Variants in ST7L observed in about 807,000 individuals in gnomAD.
ST7L encodes the protein suppression of tumorigenicity 7 like, also known as suppressor of tumorigenicity 7 protein-like.
A neutral mutation model predicts 72.5 loss-of-function variants in ST7L; 57 were observed. The ratio of observed to expected loss-of-function variants is 0.79; its 90% CI spans 0.64 to 0.98. The LOEUF is 0.98. Among genes scored for constraint, ST7L ranks in the 50% least tolerant of loss-of-function variants. The pLI is 0.00. For synonymous variants in ST7L, 221 were observed against 240.9 expected, an observed-to-expected ratio of 0.92 and a Z score of 0.77; for missense variants, 576 against 672.2, an observed-to-expected ratio of 0.86 and a Z score of 1.58.
chr1:112,540,255 C>T (rs1259586982), intron 14 of ST7L: 1 of 985,288 alleles, frequency 1.0e-6, no homozygotes. Flanking sequence ...CAAGAATCAT[C>T]TCTCCCATTG....
chr1:112,570,065 A>T (rs1275918601), intron 11 of ST7L, among the ~76,000 whole-genome samples: 1 of 152,092 alleles, frequency 6.6e-6, no homozygotes, highest in Non-Finnish European at 1.5e-5. Context: ...TTTAGAATAT[A>T]TGAAACAATT....
At chr1:112,564,935 T>G (rs1660736642) in intron 11 of ST7L, among the ~76,000 whole-genome samples, 1 of 152,038 alleles carries the variant, frequency 6.6e-6, no homozygotes, top group South Asian at 2.1e-4. Flanking sequence ...TGTATCAATT[T>G]ATTTTTAAAA....
chr1:112,552,100 A>G (rs1283427252), intron 12 of ST7L, among the ~76,000 whole-genome samples: 3 of 152,046 alleles, frequency 2.0e-5, no homozygotes, highest in Non-Finnish European at 4.4e-5. Flanking sequence ...CCAGTATACC[A>G]CTCACACACA....
chr1:112,579,397 AAAAC>A (rs77964024), intron 9 of ST7L, among the ~76,000 whole-genome samples: 4 of 150,772 alleles, frequency 2.7e-5, no homozygotes, highest in Admixed American at 1.3e-4. Context: ...AAAAAAAAAA[AAAAC>A]AATAAAAAAA....
intron 14 of ST7L, among the ~76,000 whole-genome samples, chr1:112,538,229 C>CA: frequency 6.6e-6 from 1 of 152,198 alleles, no homozygotes; most frequent in Non-Finnish European, 1.5e-5. Context: ...CTAACACAGA[C>CA]AGTTTGCAGC....
intron 7 of ST7L, among the ~76,000 whole-genome samples, chr1:112,583,762 C>G (rs140286959): frequency 1.3e-5 from 2 of 152,340 alleles, no homozygotes; most frequent in Non-Finnish European, 2.9e-5. Flanking sequence ...CTCTCAATAA[C>G]CTGAGCAGAT....
Position 112,523,786 on chromosome 1 carries a change from G to A in ST7L, c.*2227C>T, listed in dbSNP as rs1653013604. 6.6e-6 allele frequency: 1 copy of A among 151,904 alleles called. No homozygotes were observed. Among genetic ancestry groups the A allele is most frequent in the Non-Finnish European group, 1.5e-5 (1 of 68,010 alleles). The allele number at this position is 151,904 out of a possible 1,614,324, so 9.4% of individuals were successfully genotyped here. On this transcript the variant is annotated 3_prime_UTR_variant, in exon 15 of 15. Transcript: ENST00000358039. ...ACTTAAAACATACTATATATTTTAAGGATCTAAGAATCCTTTAGAGAAGGC... is the reference window on the plus strand; with the variant it reads ...ACTTAAAACATACTATATATTTTAAAGATCTAAGAATCCTTTAGAGAAGGC...
At chr1:112,547,063 C>G (rs191659610) in intron 13 of ST7L, among the ~76,000 whole-genome samples, 4 of 152,140 alleles carry the variant, frequency 2.6e-5, no homozygotes, top group Admixed American at 2.6e-4. Context: ...TCCCTAACCC[C>G]TATTCCCAAA....
intron 5 of ST7L, among the ~76,000 whole-genome samples, chr1:112,592,619 TAG>T (rs1665875736): frequency 6.6e-6 from 1 of 152,204 alleles, no homozygotes; most frequent in South Asian, 2.1e-4. Flanking sequence ...TGCATAATAC[TAG>T]ACTTGTAATT....
chr1:112,571,409 CTATCTATA>C lies in ST7L; in HGVS notation c.1245+5569_1245+5576del, dbSNP rs553852179. On this transcript the variant is annotated intron_variant, in intron 11 of 14. Transcript: ENST00000358039. ...TGTATATGTGTGTATGTATATCTATCTATCTATATATCTATATAGTTTTATTTATTTAT... is the reference window on the plus strand; with the variant it reads ...TGTATATGTGTGTATGTATATCTATCTATCTATATAGTTTTATTTATTTAT... 229 of 422,464 alleles carry C rather than the reference CTATCTATA, an allele frequency of 5.4e-4. 1 individual carries two copies. The highest frequency in any genetic ancestry group is 4.3e-3 in the African/African-American group (209 of 48,112). 26.2% of individuals were successfully genotyped at this position (422,464 alleles called of 1,614,324 possible).
intron 6 of ST7L, among the ~76,000 whole-genome samples, chr1:112,587,547 G>A (rs932785199): frequency 1.3e-5 from 2 of 152,204 alleles, no homozygotes; most frequent in African/African-American, 2.4e-5. Flanking sequence ...AGGTTGCAGT[G>A]AGCCGAGATC....
chr1:112,518,101 T>C, the ST7L span: 1 of 152,146 alleles, frequency 6.6e-6, no homozygotes, highest in South Asian at 2.1e-4. Context: ...GAAGAAGAGA[T>C]CCCTACCAAA....
Position 112,578,400 on chromosome 1 carries a change from A to T in ST7L, c.1087T>A (p.Ser363Thr). The change falls in exon 10 of 15, where the codon TCA (serine) becomes ACA (threonine). Residue 363 changes from serine (S) to threonine (T), a missense_variant. Ser to Thr is a moderately conservative substitution (Grantham distance 58). Transcript: ENST00000358039. ...AKYDDISLPK[S>T]AAICYTAALL... ...GCTGCTGTGTAACAGATTGCTGCTG[A>T]CTTTGGAAGGCTTATATCTGTAACG... 6.2e-7 allele frequency: 1 copy of T among 1,614,134 alleles called. No individual in the cohort carries two copies. The highest frequency in any genetic ancestry group is 8.5e-7 in the Non-Finnish European group (1 of 1,179,984).
intron 11 of ST7L, among the ~76,000 whole-genome samples, chr1:112,569,975 C>A (rs1032311): frequency 0.22 from 28,557 of 131,702 alleles, 3,155 homozygotes; most frequent in East Asian, 0.46. Flanking sequence ...AAAAAAAAAA[C>A]AAAAAAACTA....
chr1:112,520,703 T>C (rs1652825483), downstream of ST7L: 2 of 621,056 alleles, frequency 3.2e-6, no homozygotes, highest in South Asian at 4.2e-5. Flanking sequence ...TCAGGGGATA[T>C]AAGAAACTGA....
chr1:112,598,740 T>C (rs1379337328), intron 4 of ST7L, among the ~76,000 whole-genome samples: 1 of 151,536 alleles, frequency 6.6e-6, no homozygotes, highest in Non-Finnish European at 1.5e-5. Flanking sequence ...AAAAGAAGCA[T>C]AAGGATTCCT....
chr1:112,610,950 T>A lies in ST7L; in HGVS notation c.342A>T (p.Val114=), dbSNP rs375039792. ...TCAGTGGTTGCAAATGGCTTACAGA[T>A]ACTTGCTCAATAAAAGATGTGCCAT... The part of the protein sequence containing the change: ...HKHGTSFIEQ[V]SVSHLQPLMG... The change falls in exon 3 of 15, where the codon GTA becomes GTT. Residue 114 remains valine, a synonymous_variant. Coordinates refer to ENST00000358039, the MANE Select transcript of ST7L (RefSeq NM_017744.5). 118 of 1,614,112 alleles carry A rather than the reference T, an allele frequency of 7.3e-5. No individual in the cohort carries two copies. The highest frequency in any genetic ancestry group is 1.4e-5 in the Non-Finnish European group (17 of 1,180,042).
At chr1:112,590,970 G>A (rs6681302) in intron 6 of ST7L, among the ~76,000 whole-genome samples, 2,816 of 136,464 alleles carry the variant, frequency 0.021, 92 homozygotes, top group African/African-American at 0.073. Flanking sequence ...TTGCTCTGTC[G>A]CCCAAGCTGG....
intron 14 of ST7L, chr1:112,540,856 G>A: frequency 1.6e-6 from 2 of 1,287,832 alleles, no homozygotes. Context: ...TTCTTTTTGG[G>A]TTTTAACTCC....
Sources: allele counts gnomAD v4.1 joint callset (sites outside exome capture counted in the v4.1 genomes callset), GRCh38; gene constraint gnomAD v4.1.1; transcripts MANE v1.5; gene names NCBI Gene and HGNC (gene_info 2026-07-23, HGNC 2026-07-21).